Variants in TNRC6C observed in about 807,000 individuals in gnomAD.
TNRC6C encodes trinucleotide repeat containing adaptor 6C.
A neutral mutation model predicts 153.7 loss-of-function variants in TNRC6C; 20 were observed. The ratio of observed to expected loss-of-function variants is 0.13; its 90% CI spans 0.09 to 0.19. The LOEUF (loss-of-function observed/expected upper bound fraction) is 0.19, where lower values mean the gene tolerates loss of function less well. Among genes scored for constraint, TNRC6C ranks in the 10% least tolerant of loss-of-function variants. The pLI, the probability that TNRC6C is intolerant of heterozygous loss-of-function variation, is 1.00. For missense variants in TNRC6C, 1,987 were observed against 2,172.0 expected (o/e 0.91, Z 1.69); for synonymous variants, 811 against 841.4 (o/e 0.96, Z 0.63).
chr17:78,020,794 A>G (rs1014250227), intron 1 of TNRC6C, among the ~76,000 whole-genome samples: 1 of 152,182 alleles, frequency 6.6e-6, no homozygotes, highest in Non-Finnish European at 1.5e-5. Context: ...AGAATCCAGT[A>G]TATGTTTTAA....
At chr17:77,970,455 C>G (rs1598638228) in intron 1 of TNRC6C, among the ~76,000 whole-genome samples, 1 of 152,266 alleles carries the variant, frequency 6.6e-6, no homozygotes, top group South Asian at 2.1e-4. Flanking sequence ...TCCTATGTTG[C>G]TGGGATTGCA....
intron 3 of TNRC6C, among the ~76,000 whole-genome samples, chr17:78,053,655 A>T (rs1476770014): frequency 6.6e-6 from 1 of 152,056 alleles, no homozygotes; most frequent in Non-Finnish European, 1.5e-5. Context: ...AGAAAGAAAA[A>T]TAAGATTATT....
At chr17:77,990,847 T>C (rs1056844337) in intron 1 of TNRC6C, among the ~76,000 whole-genome samples, 15 of 152,166 alleles carry the variant, frequency 9.9e-5, no homozygotes. Flanking sequence ...TTTCATAGGG[T>C]CAATCAGTTT....
At chr17:78,042,662 G>A (rs1287191156) in intron 2 of TNRC6C, among the ~76,000 whole-genome samples, 2 of 151,844 alleles carry the variant, frequency 1.3e-5, no homozygotes, top group Non-Finnish European at 2.9e-5. Flanking sequence ...TGTGGTGATG[G>A]TGGTGATGAT....
Position 78,075,361 on chromosome 17 carries a change from A to G in TNRC6C, c.3060+83A>G. On this transcript the variant is annotated intron_variant, in intron 8 of 19. Coordinates refer to ENST00000301624, the Ensembl canonical transcript of TNRC6C. This position sits in a 1 kb window ranked among gnomAD's most constrained non-coding sequence, Gnocchi z 4.2. ...CAACTGTGTCCTTAATACAAGCCAG[A>G]TTAAAAACTTGCTGGACTATAATAC... The G allele has an allele frequency of 6.8e-7, 1 of 1,465,454 alleles. No individual in the cohort carries two copies. 90.8% of individuals were successfully genotyped at this position (1,465,454 alleles called of 1,614,324 possible).
chr17:78,080,735 CCT>C (rs1017695276), intron 10 of TNRC6C, among the ~76,000 whole-genome samples: 1 of 152,058 alleles, frequency 6.6e-6, no homozygotes, highest in Admixed American at 6.5e-5. Flanking sequence ...GGAGCCCTGC[CCT>C]GAGAGAGCAG....
At chr17:78,045,476 G>A (rs1387315479) in intron 2 of TNRC6C, among the ~76,000 whole-genome samples, 2 of 152,178 alleles carry the variant, frequency 1.3e-5, no homozygotes, top group East Asian at 1.9e-4. Context: ...GCCCGGGAAG[G>A]TCTGAGTAGG....
At chr17:78,005,103 G>T in intron 1 of TNRC6C, 24 bp downstream of exon 3, 1 of 1,226,760 alleles carries the variant, frequency 8.2e-7, no homozygotes, top group Non-Finnish European at 1.0e-6. Context: ...TATTTAGGGG[G>T]GTACATTTAT....
intron 17 of TNRC6C, among the ~76,000 whole-genome samples, chr17:78,101,006 C>T (rs2073583948): frequency 6.6e-6 from 1 of 152,078 alleles, no homozygotes; most frequent in Non-Finnish European, 1.5e-5. Context: ...AAACTCCTGA[C>T]CTCCCGTAAT....
chr17:78,044,749 CAG>C (rs1486751704), intron 2 of TNRC6C, among the ~76,000 whole-genome samples: 17 of 152,318 alleles, frequency 1.1e-4, no homozygotes, highest in African/African-American at 3.8e-4. Flanking sequence ...GTAGTTGTGA[CAG>C]AGACTATATG....
intron 1 of TNRC6C, 43 bp downstream of exon 3, chr17:78,005,122 CA>C: frequency 8.3e-7 from 1 of 1,205,860 alleles, no homozygotes; most frequent in East Asian, 3.2e-5. Flanking sequence ...ATGGCGGTAC[CA>C]AAATTTTTAT....
chr17:78,098,410 T>G (rs754754821), exon 17 of TNRC6C: 1 of 1,613,924 alleles, frequency 6.2e-7, no homozygotes. Context: ...CCTCTCTGTC[T>G]CATGAACTAT....
upstream of TNRC6C, among the ~76,000 whole-genome samples, chr17:77,958,219 C>T (rs185243366): frequency 6.6e-6 from 1 of 151,986 alleles, no homozygotes; most frequent in Non-Finnish European, 1.5e-5. Context: ...GGGGCGCTGG[C>T]CCGGAGAACC....
At chr17:77,990,273 T>G (rs978129250) in intron 1 of TNRC6C, among the ~76,000 whole-genome samples, 4 of 152,210 alleles carry the variant, frequency 2.6e-5, no homozygotes, top group Non-Finnish European at 5.9e-5. Flanking sequence ...AGTCCACTCT[T>G]ACCTTCTTGT....
intron 1 of TNRC6C, among the ~76,000 whole-genome samples, chr17:78,027,095 T>A (rs745383698): frequency 2.6e-5 from 4 of 152,114 alleles, no homozygotes; most frequent in Non-Finnish European, 4.4e-5. Context: ...AATAGTGGCA[T>A]AGAGAAGAAG....
At chr17:78,040,036 C>G (rs188750259) in intron 2 of TNRC6C, among the ~76,000 whole-genome samples, 89 of 152,354 alleles carry the variant, frequency 5.8e-4, no homozygotes, top group African/African-American at 1.9e-3. Context: ...CAGGGTGCCT[C>G]CCAGCCCTGG....
chr17:78,031,723 C>T, exon 2 of TNRC6C: 1 of 1,232,292 alleles, frequency 8.1e-7, no homozygotes, highest in Non-Finnish European at 1.0e-6. Context: ...AGAGGCCAGC[C>T]ATTGCCTACG....
intron 1 of TNRC6C, among the ~76,000 whole-genome samples, chr17:78,012,391 A>G (rs2071650303): frequency 6.6e-6 from 1 of 152,130 alleles, no homozygotes; most frequent in East Asian, 1.9e-4. Context: ...AGTGTTGGGC[A>G]CTGGGTTTCA....
intron 19 of TNRC6C, among the ~76,000 whole-genome samples, chr17:78,103,847 C>G (rs970708895): frequency 6.6e-6 from 1 of 152,198 alleles, no homozygotes; most frequent in Non-Finnish European, 1.5e-5. Context: ...GACACCAGTC[C>G]TGTTGGACTA....
Sources: gnomAD v4.1 joint callset for allele counts (sites outside exome capture counted in the v4.1 genomes callset) on GRCh38, gnomAD v4.1.1 for gene constraint, Gnocchi (gnomAD v3.1) non-coding constraint, MANE v1.5 for transcripts, NCBI Gene and HGNC (gene_info 2026-07-23, HGNC 2026-07-21) for gene names.